HPSE2: variants seen among roughly 807,000 people sequenced by gnomAD.
The protein encoded by HPSE2 is inactive heparanase-2.
Under a neutral mutation model 60.5 loss-of-function variants are expected in HPSE2, and 38 were observed. The ratio of observed to expected loss-of-function variants is 0.63; its 90% CI spans 0.48 to 0.82. The LOEUF is 0.82. HPSE2 is among the 40% of genes least tolerant of loss of function. HPSE2 has a pLI of 0.00. For missense variants in HPSE2, 713 were observed against 740.4 expected (o/e 0.96, Z 0.43); for synonymous variants, 295 against 293.2 (o/e 1.01, Z -0.06).
chr10:99,197,051 T>C (rs902548851), intron 2 of HPSE2, among the ~76,000 whole-genome samples: 2 of 152,170 alleles, frequency 1.3e-5, no homozygotes, highest in Non-Finnish European at 2.9e-5. Context: ...TAAAAAGGAA[T>C]GAGATTCAGT....
intron 3 of HPSE2, among the ~76,000 whole-genome samples, chr10:98,896,576 A>G (rs1953499031): frequency 6.6e-6 from 1 of 152,212 alleles, no homozygotes; most frequent in African/African-American, 2.4e-5. Flanking sequence ...ATGGTTTCAC[A>G]TTAGGAAACT....
At chr10:99,152,216 C>G (rs1846296854) in intron 2 of HPSE2, among the ~76,000 whole-genome samples, 1 of 149,172 alleles carries the variant, frequency 6.7e-6, no homozygotes, top group South Asian at 2.1e-4. Flanking sequence ...GAGGCTGAGA[C>G]AGGAGAATGG....
the HPSE2 span, among the ~76,000 whole-genome samples, chr10:99,305,979 G>GCGCACGCACACA: frequency 5.0e-5 from 4 of 80,586 alleles, no homozygotes; most frequent in African/African-American, 1.6e-4. Context: ...GCGCGCGCGC[G>GCGCACGCACACA]CACACACACA....
chr10:98,854,903 T>C (rs771938100), intron 3 of HPSE2, among the ~76,000 whole-genome samples: 40 of 152,308 alleles, frequency 2.6e-4, no homozygotes, highest in Non-Finnish European at 5.0e-4. Context: ...TCATTCAACA[T>C]CTTTAAAAGT....
At chr10:98,730,083 A>T (rs72840601) in intron 4 of HPSE2, among the ~76,000 whole-genome samples, 2,075 of 152,296 alleles carry the variant, frequency 0.014, 25 homozygotes, top group South Asian at 0.027. Flanking sequence ...CCTTCAGGAC[A>T]GATCATATTG....
intron 9 of HPSE2, among the ~76,000 whole-genome samples, chr10:98,597,897 G>A (rs1377117668): frequency 6.8e-6 from 1 of 147,390 alleles, no homozygotes; most frequent in African/African-American, 2.6e-5. Context: ...CTTCAACCCA[G>A]GAGGTGGAGG....
chr10:98,556,057 G>A lies in HPSE2; in HGVS notation c.1320+58847C>T, dbSNP rs200466812. On this transcript the variant is annotated intron_variant, in intron 9 of 11. Coordinates refer to ENST00000370552, the MANE Select transcript of HPSE2 (RefSeq NM_021828.5). ...AGTTGAAGAACCCATATTAAACTCC[G>A]ACTTTTATTATTATTATTATTAATT... is the stretch of plus-strand genomic sequence containing the variant. 7.2e-5 allele frequency among the ~76,000 whole-genome samples: 11 copies of A among 152,216 alleles called. No homozygotes were observed. In the East Asian group the frequency reaches 1.9e-3, roughly 27 times the overall value.
At chr10:98,721,452 C>G (rs1948920355) in intron 5 of HPSE2, among the ~76,000 whole-genome samples, 1 of 152,052 alleles carries the variant, frequency 6.6e-6, no homozygotes, top group South Asian at 2.1e-4. Flanking sequence ...ATCCCACCAC[C>G]CCCTGTTGAC....
At chr10:98,843,757 C>T (rs1015352041) in intron 3 of HPSE2, among the ~76,000 whole-genome samples, 1 of 152,174 alleles carries the variant, frequency 6.6e-6, no homozygotes, top group African/African-American at 2.4e-5. Flanking sequence ...TATTTGTGCA[C>T]TGCTCCTTCC....
rs570626381 is a variant in HPSE2, at chr10:98,614,020, T to C, written c.1320+884A>G. The stretch of plus-strand genomic sequence containing the variant: ...GTTTATTTTTCTCTTTCCTTTTCTT[T>C]CCTAGATAAGTTGACGCTCTTGGTA... On this transcript the variant is annotated intron_variant, in intron 9 of 11. Transcript: ENST00000370552. 3.9e-5 allele frequency among the ~76,000 whole-genome samples: 6 copies of C among 152,312 alleles called. No homozygotes were observed. In the South Asian group the frequency reaches 1.2e-3, roughly 32 times the overall value.
intron 6 of HPSE2, among the ~76,000 whole-genome samples, chr10:98,651,733 T>C (rs746913673): frequency 6.6e-6 from 1 of 152,014 alleles, no homozygotes; most frequent in Admixed American, 6.5e-5. Context: ...TTTGAAGTCA[T>C]GTTAAGTAGA....
At chr10:98,658,528 T>A (rs1005453127) in intron 6 of HPSE2, among the ~76,000 whole-genome samples, 1 of 152,114 alleles carries the variant, frequency 6.6e-6, no homozygotes, top group Non-Finnish European at 1.5e-5. Flanking sequence ...CTATCATTGA[T>A]TGAAATAAAA....
intron 3 of HPSE2, among the ~76,000 whole-genome samples, chr10:99,016,025 GA>G (rs1414413776): frequency 6.6e-6 from 1 of 152,124 alleles, no homozygotes; most frequent in Non-Finnish European, 1.5e-5. Flanking sequence ...TTGCTGTGCA[GA>G]AGCTCTTTAG....
Position 99,043,383 on chromosome 10 carries a change from C to T in HPSE2, c.610+100855G>A, listed in dbSNP as rs531335755. 6.6e-5 allele frequency among the ~76,000 whole-genome samples: 10 copies of T among 152,238 alleles called. No homozygotes were observed. The South Asian group carries it at 2.1e-3, about 32-fold the overall frequency. ...CCTGTAGTTCCAGCTACTAGGGAGGCTGAGGCAGGAGAATGGCATGAATCT... is the reference window on the plus strand; with the variant it reads ...CCTGTAGTTCCAGCTACTAGGGAGGTTGAGGCAGGAGAATGGCATGAATCT... On this transcript the variant is annotated intron_variant, in intron 3 of 11. Transcript: ENST00000370552.
chr10:99,177,868 G>T (rs1043312854), intron 2 of HPSE2, among the ~76,000 whole-genome samples: 1 of 152,014 alleles, frequency 6.6e-6, no homozygotes, highest in African/African-American at 2.4e-5. Flanking sequence ...CACATAATTG[G>T]AAGTAAAACA....
chr10:99,099,959 CAG>C (rs1321139157), intron 3 of HPSE2, among the ~76,000 whole-genome samples: 1 of 152,152 alleles, frequency 6.6e-6, no homozygotes, highest in African/African-American at 2.4e-5. Flanking sequence ...AACTAACAAA[CAG>C]AAAGGACATT....
intron 3 of HPSE2, among the ~76,000 whole-genome samples, chr10:98,984,529 A>C (rs1956289188): frequency 6.6e-6 from 1 of 152,238 alleles, no homozygotes; most frequent in East Asian, 1.9e-4. Context: ...AGATAAAACC[A>C]CAAAGATGGG....
In HPSE2 at chr10:99,117,210, A is replaced by T. The variant is rs139344395; in HGVS notation, c.610+27028T>A. 9.6e-4 allele frequency among the ~76,000 whole-genome samples: 145 copies of T among 151,468 alleles called. 1 individual carries two copies. The Middle Eastern group carries it at 0.014, about 14-fold the overall frequency. ...AACAATTCTAAATTAATTAATTAATAAATTAAATTAATCCTAAATAAGTAG... is the reference window on the plus strand; with the variant it reads ...AACAATTCTAAATTAATTAATTAATTAATTAAATTAATCCTAAATAAGTAG... On this transcript the variant is annotated intron_variant, in intron 3 of 11. Coordinates refer to ENST00000370552, the MANE Select transcript of HPSE2 (RefSeq NM_021828.5).
intron 2 of HPSE2, among the ~76,000 whole-genome samples, chr10:99,145,446 ACT>A (rs1352410142): frequency 6.6e-6 from 1 of 150,496 alleles, no homozygotes; most frequent in Non-Finnish European, 1.5e-5. Context: ...ATAGAGGGAG[ACT>A]CTGTCTTAAA....
Sources: allele counts gnomAD v4.1 joint callset (sites outside exome capture counted in the v4.1 genomes callset), GRCh38; gene constraint gnomAD v4.1.1; transcripts MANE v1.5; gene names NCBI Gene and HGNC (gene_info 2026-07-23, HGNC 2026-07-21).